The following TIMM9 variants were observed in gnomAD, a reference collection of about 807,000 sequenced individuals.
TIMM9 encodes the protein translocase of inner mitochondrial membrane 9.
Under a neutral mutation model 13.4 loss-of-function variants are expected in TIMM9, and 10 were observed. The observed-to-expected ratio is 0.75, with a 90% CI of 0.46 to 1.26. The LOEUF is 1.26. TIMM9 is among the 50% of genes most tolerant of loss of function. TIMM9 has a pLI of 0.00. For missense variants in TIMM9, 87 were observed against 100.8 expected, an observed-to-expected ratio of 0.86 and a Z score of 0.58; for synonymous variants, 32 against 32.1, an observed-to-expected ratio of 1.00 and a Z score of 0.01.
At chr14:58,427,028 C>T (rs2036874385) in intron 2 of TIMM9, 26 bp downstream of exon 2, 1 of 153,322 alleles carries the variant, frequency 6.5e-6, no homozygotes, top group Admixed American at 6.5e-5. Flanking sequence ...ACCCCGGATT[C>T]TCACGGCAGA....
At chr14:58,417,948 A>G (rs2036469204) in intron 3 of TIMM9, among the ~76,000 whole-genome samples, 1 of 152,194 alleles carries the variant, frequency 6.6e-6, no homozygotes, top group Non-Finnish European at 1.5e-5. Context: ...AAACAACTCT[A>G]CATACATAAA....
In TIMM9 at chr14:58,418,808, C is replaced by T. The variant is rs1457240957; in HGVS notation, c.-27+5200G>A. Among the ~76,000 whole-genome samples the T allele has an allele frequency of 2.0e-5, 3 of 152,050 alleles. No individual in the cohort carries two copies. In the East Asian group the frequency reaches 5.8e-4, roughly 29 times the overall value. ...TGACAAAAGAAGGCAAAGACCTAAA[C>T]ACACAGAGAGACATACTGTGTGTTC... is the stretch of plus-strand genomic sequence containing the variant. On this transcript the variant is annotated intron_variant, in intron 3 of 5. Coordinates refer to ENST00000395159, the MANE Select transcript of TIMM9 (RefSeq NM_012460.4).
At chr14:58,410,788 T>C in intron 5 of TIMM9, 55 bp downstream of exon 5, 1 of 1,218,006 alleles carries the variant, frequency 8.2e-7, no homozygotes, top group Non-Finnish European at 1.2e-6. Flanking sequence ...AAGGGGATCC[T>C]ACTTAGAGTG....
intron 2 of TIMM9, among the ~76,000 whole-genome samples, chr14:58,424,655 C>G (rs1279405582): frequency 6.6e-6 from 1 of 151,762 alleles, no homozygotes; most frequent in African/African-American, 2.4e-5. Context: ...ATAGCTTGAG[C>G]CCAAAAGTTC....
At position 58,408,640 on chromosome 14, in the gene TIMM9, A is replaced by T; in HGVS notation, c.*394T>A. ...AATACTATGGTACCATACAGTATAA[A>T]CAACTGCTCAGTGATATTTCCATTT... On this transcript the variant is annotated 3_prime_UTR_variant, in exon 6 of 6. Transcript: ENST00000395159. The T allele has an allele frequency of 6.7e-7, 1 of 1,482,904 alleles. No individual in the cohort carries two copies. Among genetic ancestry groups the T allele is most frequent in the Non-Finnish European group, 9.2e-7 (1 of 1,084,902 alleles). The allele number at this position is 1,482,904 out of a possible 1,614,324, so 91.9% of individuals were successfully genotyped here.
At chr14:58,414,460 G>A (rs1436448106) in intron 3 of TIMM9, among the ~76,000 whole-genome samples, 1 of 151,958 alleles carries the variant, frequency 6.6e-6, no homozygotes, top group African/African-American at 2.4e-5. Flanking sequence ...TAACTAGGCT[G>A]GGCACGGTGG....
At chr14:58,422,555 G>A (rs567034390) in intron 3 of TIMM9, among the ~76,000 whole-genome samples, 108 of 152,206 alleles carry the variant, frequency 7.1e-4, no homozygotes, top group Middle Eastern at 6.8e-3. Context: ...CATATATGAG[G>A]AATGCCCCAA....
intron 3 of TIMM9, among the ~76,000 whole-genome samples, chr14:58,418,156 A>T (rs1444614864): frequency 6.6e-6 from 1 of 152,216 alleles, no homozygotes; most frequent in African/African-American, 2.4e-5. Context: ...CAGGGATGCA[A>T]GACTGGTTTA....
rs1006568970 is a variant in TIMM9 at position 58,408,845 on chromosome 14, C to G, written c.*189G>C. 1.9e-5 allele frequency: 15 copies of G among 800,432 alleles called. No homozygotes were observed. Among genetic ancestry groups the G allele is most frequent in the Non-Finnish European group, 2.8e-5 (15 of 526,326 alleles). The allele number at this position is 800,432 out of a possible 1,614,324, so 49.6% of individuals were successfully genotyped here. ...CTTATTATTTCACTGAACAATAAGA[C>G]CTTCTATTGTGATTATTCCTGGTAA... On this transcript the variant is annotated 3_prime_UTR_variant, in exon 6 of 6. Coordinates refer to ENST00000395159, the MANE Select transcript of TIMM9 (RefSeq NM_012460.4).
rs1338229238 is a variant in TIMM9 at position 58,427,079 on chromosome 14, A to G, written c.-140T>C. On this transcript the variant is annotated 5_prime_UTR_variant, in exon 2 of 6. An upstream start codon of the reference 5' UTR is lost. Coordinates refer to ENST00000395159, the MANE Select transcript of TIMM9 (RefSeq NM_012460.4). Reference sequence around the variant, plus strand: ...TTAAGCACAGGCTCTCGCATCCGACATCAGTACAAGGCTGGGGGTTGTTGG... The same window carrying G: ...TTAAGCACAGGCTCTCGCATCCGACGTCAGTACAAGGCTGGGGGTTGTTGG... The G allele has an allele frequency of 6.5e-6, 1 of 154,274 alleles. No homozygotes were observed. The highest frequency in any genetic ancestry group is 2.4e-5 in the African/African-American group (1 of 41,468). The allele number at this position is 154,274 out of a possible 1,614,324, so 9.6% of individuals were successfully genotyped here. A position where few individuals can be genotyped will look rare whatever the true frequency, so the allele number is the denominator to read the frequency against.
chr14:58,417,202 T>A (rs2036439325), intron 3 of TIMM9, among the ~76,000 whole-genome samples: 1 of 152,102 alleles, frequency 6.6e-6, no homozygotes, highest in Non-Finnish European at 1.5e-5. Flanking sequence ...TGTAAGTCCA[T>A]TAAACCTCTT....
chr14:58,414,665 G>C (rs1218963164), intron 3 of TIMM9, among the ~76,000 whole-genome samples: 3 of 150,842 alleles, frequency 2.0e-5, no homozygotes, highest in African/African-American at 7.3e-5. Context: ...TTGACCCCTT[G>C]GGCGGAGGTT....
At chr14:58,411,046 G>C in intron 4 of TIMM9, 108 bp from the exon 5 acceptor site, 1 of 728,264 alleles carries the variant, frequency 1.4e-6, no homozygotes, top group Non-Finnish European at 2.3e-6. Flanking sequence ...TATAACACTT[G>C]AAATCATAGT....
At chr14:58,410,237 AT>A (rs1044677682) in intron 5 of TIMM9, among the ~76,000 whole-genome samples, 1 of 150,712 alleles carries the variant, frequency 6.6e-6, no homozygotes, top group African/African-American at 2.4e-5. Flanking sequence ...TGTCTAGCTA[AT>A]TTTTTTTTGT....
At chr14:58,421,671 C>T (rs1237222027) in intron 3 of TIMM9, among the ~76,000 whole-genome samples, 1 of 152,104 alleles carries the variant, frequency 6.6e-6, no homozygotes, top group African/African-American at 2.4e-5. Context: ...AGCAAGCATT[C>T]CAAGCTAGAG....
chr14:58,409,867 C>T (rs774624445), intron 5 of TIMM9, among the ~76,000 whole-genome samples: 1 of 151,996 alleles, frequency 6.6e-6, no homozygotes, highest in Non-Finnish European at 1.5e-5. Context: ...CGTGAGCCAC[C>T]GCGCCCAGCC....
intron 2 of TIMM9, among the ~76,000 whole-genome samples, chr14:58,426,386 C>T (rs1241021761): frequency 2.0e-5 from 3 of 151,556 alleles, no homozygotes; most frequent in South Asian, 2.1e-4. Flanking sequence ...TTTGTATTTT[C>T]AGTAGAGGCG....
intron 2 of TIMM9, among the ~76,000 whole-genome samples, chr14:58,425,558 A>G (rs370704417): frequency 3.2e-4 from 49 of 152,134 alleles, no homozygotes; most frequent in African/African-American, 1.1e-3. Flanking sequence ...AAAAAAAAAA[A>G]AGAGGGAAAG....
chr14:58,421,257 A>G (rs1238188049), intron 3 of TIMM9, among the ~76,000 whole-genome samples: 1 of 152,210 alleles, frequency 6.6e-6, no homozygotes, highest in East Asian at 1.9e-4. Context: ...AAAGTTAAAT[A>G]CTGTATAATT....
Sources: allele counts gnomAD v4.1 joint callset (sites outside exome capture counted in the v4.1 genomes callset), GRCh38; gene constraint gnomAD v4.1.1; transcripts MANE v1.5; gene names NCBI Gene and HGNC (gene_info 2026-07-23, HGNC 2026-07-21).